Variants in ANAPC1 observed in about 807,000 individuals in gnomAD.
ANAPC1 encodes the protein anaphase-promoting complex subunit 1.
In ANAPC1, 36 loss-of-function variants were observed where a neutral mutation model predicts 208.0. The observed-to-expected ratio is 0.17, with a 90% confidence interval of 0.13 to 0.23. The LOEUF is 0.23. Among genes scored for constraint, ANAPC1 ranks in the 10% least tolerant of loss-of-function variants. The pLI is 1.00. For missense variants in ANAPC1, 942 were observed against 2,011.6 expected (o/e 0.47, Z 10.17); for synonymous variants, 378 against 695.2 (o/e 0.54, Z 7.18).
At chr2:111,848,876 A>G (rs1390770965) in intron 14 of ANAPC1, among the ~76,000 whole-genome samples, 1 of 152,176 alleles carries the variant, frequency 6.6e-6, no homozygotes, top group Non-Finnish European at 1.5e-5. Flanking sequence ...TGAGACCAGT[A>G]TTTAATGGTA....
At chr2:111,869,847 G>C (rs1682645513) in intron 6 of ANAPC1, among the ~76,000 whole-genome samples, 1 of 152,142 alleles carries the variant, frequency 6.6e-6, no homozygotes, top group Admixed American at 6.6e-5. Flanking sequence ...TATGTAGTTT[G>C]TTTATCCCAC....
intron 22 of ANAPC1, 63 bp from the exon 23 acceptor site, chr2:111,825,230 T>G (rs1679770657): frequency 3.2e-6 from 5 of 1,573,864 alleles, no homozygotes; most frequent in Admixed American, 2.0e-5. Flanking sequence ...ACATGTAACA[T>G]GTAGAAAACA....
In ANAPC1 at chr2:111,785,960, G is replaced by A. The variant is rs572798056; in HGVS notation, c.4800-483C>T. Among the ~76,000 whole-genome samples, 7 of 152,030 alleles carry A rather than the reference G, an allele frequency of 4.6e-5. No individual in the cohort carries two copies. In the South Asian group the frequency reaches 1.5e-3, roughly 32 times the overall value. ...CATACTTGCACATACATATACACAC[G>A]TCCTTGAAACACAGTACATCAAACA... On this transcript the variant is annotated intron_variant, in intron 39 of 47. Transcript: ENST00000341068.
intron 26 of ANAPC1, among the ~76,000 whole-genome samples, chr2:111,820,852 C>A (rs1391504709): frequency 6.6e-6 from 1 of 151,840 alleles, no homozygotes; most frequent in Admixed American, 6.6e-5. Flanking sequence ...ACACTAAAAA[C>A]CCCACTAACC....
intron 46 of ANAPC1, among the ~76,000 whole-genome samples, chr2:111,775,536 G>GT (rs1224091131): frequency 5.9e-5 from 9 of 152,224 alleles, no homozygotes; most frequent in African/African-American, 2.2e-4. Flanking sequence ...AAAAATTCTA[G>GT]TTTTTCACTA....
At chr2:111,878,468 C>A (rs1346572163) in intron 3 of ANAPC1, among the ~76,000 whole-genome samples, 2 of 152,146 alleles carry the variant, frequency 1.3e-5, no homozygotes, top group African/African-American at 4.8e-5. Flanking sequence ...TTATTCAAAT[C>A]TTTGCAATCA....
chr2:111,842,330 G>A (rs1206383665), intron 17 of ANAPC1, among the ~76,000 whole-genome samples: 1 of 151,904 alleles, frequency 6.6e-6, no homozygotes. Flanking sequence ...TCATAATTAA[G>A]ACAAAAAACA....
chr2:111,870,436 C>T (rs1171750069), intron 6 of ANAPC1, among the ~76,000 whole-genome samples: 2 of 152,200 alleles, frequency 1.3e-5, no homozygotes, highest in Non-Finnish European at 2.9e-5. Flanking sequence ...TGAGATCTCA[C>T]TGTGGTTTTA....
intron 7 of ANAPC1, chr2:111,866,059 C>T (rs1018090411): frequency 7.4e-4 from 128 of 173,720 alleles, no homozygotes; most frequent in Non-Finnish European, 1.5e-3. Context: ...AAAAAATTAG[C>T]GGGTCATGGT....
In ANAPC1 at chr2:111,820,013, TATA is replaced by T. The variant is rs574952390; in HGVS notation, c.3207-1058_3207-1056del. Among the ~76,000 whole-genome samples, 1,482 of 152,254 alleles carry T rather than the reference TATA, an allele frequency of 9.7e-3. 10 individuals are homozygous for T. The highest frequency in any genetic ancestry group is 0.032 in the African/African-American group (1,313 of 41,548). On this transcript the variant is annotated intron_variant, in intron 26 of 47. Transcript: ENST00000341068. ...TTCAACTTTGCGCAAGTAACAAAAT[TATA>T]ATGAGAACAATATTATATCCCCTGA...
chr2:111,838,547 G>A (rs750021458), intron 17 of ANAPC1, 35 bp from the exon 18 acceptor site: 9 of 1,543,612 alleles, frequency 5.8e-6, no homozygotes, highest in Admixed American at 1.9e-5. Context: ...GATAAAAATC[G>A]TAAATGCATT....
At position 111,771,452 on chromosome 2, in the gene ANAPC1, C is replaced by T. The variant is rs540782933; in HGVS notation, c.5719+889G>A. On this transcript the variant is annotated intron_variant, in intron 47 of 47. Coordinates refer to ENST00000341068, the MANE Select transcript of ANAPC1 (RefSeq NM_022662.4). ...GGCTCTTGGGCAATCACAAACCCAA[C>T]CTCTGGCTCCTCAGCCCTGCAGCAT... Among the ~76,000 whole-genome samples, 5 of 151,908 alleles carry T rather than the reference C, an allele frequency of 3.3e-5. No homozygotes were observed. In the East Asian group the frequency reaches 9.7e-4, roughly 29 times the overall value.
Position 111,807,031 on chromosome 2 carries a change from T to C in ANAPC1, c.3833-1138A>G, listed in dbSNP as rs368803276. On this transcript the variant is annotated intron_variant, in intron 29 of 47. Transcript: ENST00000341068. ...GTCCGACATGGAGAAATCCCATCTC[T>C]ACTAAAACTACAAAAATTAGCCAGG... 3.3e-4 allele frequency among the ~76,000 whole-genome samples: 20 copies of C among 61,324 alleles called. No homozygotes were observed. In the East Asian group the frequency reaches 6.7e-3, roughly 20 times the overall value. 40.2% of individuals were successfully genotyped at this position (61,324 alleles called of 152,430 possible).
rs1293029771 is a variant in ANAPC1 at position 111,784,053 on chromosome 2, A to G, written c.4996-89T>C. The stretch of plus-strand genomic sequence containing the variant: ...AAACCTATGTTTCTCAGAGGAAACA[A>G]TAACAGCCAGAAACAGGCATCTGGA... On this transcript the variant is annotated intron_variant, in intron 41 of 47. Coordinates refer to ENST00000341068, the MANE Select transcript of ANAPC1 (RefSeq NM_022662.4). 60 of 842,678 alleles carry G rather than the reference A, an allele frequency of 7.1e-5. 1 individual carries two copies. Among genetic ancestry groups the G allele is most frequent in the East Asian group, 1.0e-4 (4 of 38,758 alleles). 52.2% of individuals were successfully genotyped at this position (842,678 alleles called of 1,614,324 possible).
intron 25 of ANAPC1, 150 bp from the exon 26 acceptor site, chr2:111,821,603 A>G (rs1679537824): frequency 1.6e-6 from 1 of 612,830 alleles, no homozygotes; most frequent in Non-Finnish European, 2.9e-6. Flanking sequence ...GCCGCAATGT[A>G]TACTGGGACT....
chr2:111,868,527 A>G (rs921217409), intron 6 of ANAPC1, among the ~76,000 whole-genome samples: 1 of 151,846 alleles, frequency 6.6e-6, no homozygotes, highest in African/African-American at 2.4e-5. Context: ...CTTCAAGTAA[A>G]TTAAGTCTGC....
chr2:111,868,414 C>G lies in ANAPC1; in HGVS notation c.612-318G>C, dbSNP rs1003580212. Among the ~76,000 whole-genome samples the G allele has an allele frequency of 9.2e-5, 14 of 152,122 alleles. 1 individual carries two copies. The highest frequency in any genetic ancestry group is 6.3e-3 in the Middle Eastern group (2 of 316). ...GCATAAAGCGGTCTTTTTTTATTGA[C>G]CTCTCTTACTGGCAGTGTGTCTTTG... is the stretch of plus-strand genomic sequence containing the variant. On this transcript the variant is annotated intron_variant, in intron 6 of 47. Transcript: ENST00000341068.
chr2:111,875,771 A>G (rs550599312), intron 3 of ANAPC1, among the ~76,000 whole-genome samples: 2 of 152,148 alleles, frequency 1.3e-5, no homozygotes, highest in Non-Finnish European at 2.9e-5. Flanking sequence ...GCATCTCTCC[A>G]CACCCACACT....
chr2:111,784,278 T>C (rs773710709), intron 41 of ANAPC1, 45 bp downstream of exon 41: 6 of 1,613,888 alleles, frequency 3.7e-6, no homozygotes, highest in Non-Finnish European at 5.1e-6. Context: ...TGCCATTCTG[T>C]TGAATTGACC....
Sources: allele counts gnomAD v4.1 joint callset (sites outside exome capture counted in the v4.1 genomes callset), GRCh38; gene constraint gnomAD v4.1.1; transcripts MANE v1.5; gene names NCBI Gene and HGNC (gene_info 2026-07-23, HGNC 2026-07-21).